Variants in PRELID2 observed in about 807,000 individuals in gnomAD.
PRELID2 encodes the protein PRELI domain containing 2.
Under a neutral mutation model 28.4 loss-of-function variants are expected in PRELID2, and 25 were observed. The observed-to-expected ratio is 0.88, with a 90% CI of 0.64 to 1.23. The LOEUF is 1.23. Among genes scored for constraint, PRELID2 ranks in the 50% most tolerant of loss-of-function variants. PRELID2 has a pLI of 0.00. For missense variants in PRELID2, 201 were observed against 214.4 expected, an observed-to-expected ratio of 0.94 and a Z score of 0.39; for synonymous variants, 76 against 71.6, an observed-to-expected ratio of 1.06 and a Z score of -0.31.
chr5:145,307,793 G>GAA, the PRELID2 span, among the ~76,000 whole-genome samples: 1 of 147,938 alleles, frequency 6.8e-6, no homozygotes, highest in Non-Finnish European at 1.5e-5. Flanking sequence ...ATTGGAGCAG[G>GAA]AAAAAAAAAA....
chr5:145,808,007 A>G (rs1483102735), intron 4 of PRELID2, among the ~76,000 whole-genome samples: 3 of 152,176 alleles, frequency 2.0e-5, no homozygotes, highest in Admixed American at 1.3e-4. Flanking sequence ...GCTCCAGCCC[A>G]GATCATTATA....
the PRELID2 span, among the ~76,000 whole-genome samples, chr5:145,285,155 T>G: frequency 1.3e-5 from 2 of 152,132 alleles, no homozygotes; most frequent in Non-Finnish European, 2.9e-5. Context: ...TTCAACTTTT[T>G]GTCTTCTTCC....
At chr5:145,322,737 A>T in the PRELID2 span, among the ~76,000 whole-genome samples, 181 of 152,302 alleles carry the variant, frequency 1.2e-3, 1 homozygote, top group African/African-American at 4.3e-3. Flanking sequence ...GAAAGCAAAC[A>T]AAAAGAGCTC....
At chr5:145,366,072 C>T in the PRELID2 span, among the ~76,000 whole-genome samples, 1 of 151,834 alleles carries the variant, frequency 6.6e-6, no homozygotes, top group Admixed American at 6.6e-5. Context: ...TCTGCCTGTG[C>T]AGACTTTACC....
intron 1 of PRELID2, among the ~76,000 whole-genome samples, chr5:145,741,563 TA>T (rs1447747632): frequency 1.1e-5 from 1 of 87,558 alleles, no homozygotes; most frequent in Non-Finnish European, 2.0e-5. Context: ...TATTTATATA[TA>T]AAATTTATTT....
intron 1 of PRELID2, among the ~76,000 whole-genome samples, chr5:145,644,494 GT>G (rs1195725218): frequency 6.6e-6 from 1 of 151,746 alleles, no homozygotes; most frequent in East Asian, 1.9e-4. Flanking sequence ...TTTTGGAAGG[GT>G]TTTTCATGTC....
chr5:145,476,357 GT>G (rs748022478), intron 1 of PRELID2, among the ~76,000 whole-genome samples: 5 of 152,180 alleles, frequency 3.3e-5, no homozygotes, highest in Non-Finnish European at 5.9e-5. Context: ...AGAATTAATT[GT>G]TCCAGGCCAG....
chr5:145,706,465 G>A (rs1755550076), intron 1 of PRELID2, among the ~76,000 whole-genome samples: 1 of 152,164 alleles, frequency 6.6e-6, no homozygotes, highest in African/African-American at 2.4e-5. Flanking sequence ...GGGAGTTCAA[G>A]GGAGCGCCCA....
At chr5:145,732,656 T>C (rs1226134039) in intron 1 of PRELID2, among the ~76,000 whole-genome samples, 2 of 152,222 alleles carry the variant, frequency 1.3e-5, no homozygotes, top group African/African-American at 2.4e-5. Flanking sequence ...CTGAGGCCTA[T>C]AGATCCTCTA....
the PRELID2 span, among the ~76,000 whole-genome samples, chr5:145,234,567 G>C: frequency 1.3e-5 from 2 of 152,120 alleles, no homozygotes; most frequent in Admixed American, 1.3e-4. Flanking sequence ...TTCCTAAAAA[G>C]CGTTCCAACT....
the PRELID2 span, among the ~76,000 whole-genome samples, chr5:145,395,448 T>C: frequency 1.3e-5 from 2 of 152,094 alleles, no homozygotes; most frequent in Non-Finnish European, 2.9e-5. Context: ...GTCAATTACC[T>C]CCAAGTCCTC....
chr5:145,819,265 C>A (rs760992263), intron 3 of PRELID2: 6 of 730,870 alleles, frequency 8.2e-6, no homozygotes, highest in Non-Finnish European at 1.5e-5. Context: ...CCCTCTGAGA[C>A]CTGTTTAAAG....
At chr5:145,482,482 T>C (rs868381563) in intron 1 of PRELID2, among the ~76,000 whole-genome samples, 3 of 152,150 alleles carry the variant, frequency 2.0e-5, no homozygotes, top group Middle Eastern at 3.4e-3. Context: ...ACTTCCAACA[T>C]TTACAGTTAT....
intron 1 of PRELID2, among the ~76,000 whole-genome samples, chr5:145,600,434 A>AAAATATATATATATATATATATATATAT (rs1315631607): frequency 8.3e-6 from 1 of 120,114 alleles, no homozygotes; most frequent in African/African-American, 4.1e-5. Context: ...AAAAAAAAAA[A>AAAATATATATATATATATATATATATAT]ATATATATAT....
intron 1 of PRELID2, among the ~76,000 whole-genome samples, chr5:145,621,283 A>T (rs1354584301): frequency 6.6e-6 from 1 of 151,996 alleles, no homozygotes; most frequent in Non-Finnish European, 1.5e-5. Flanking sequence ...ACAACAGCAA[A>T]TCCTAGCAAA....
the PRELID2 span, among the ~76,000 whole-genome samples, chr5:145,343,335 A>ACAT: frequency 6.6e-6 from 1 of 152,024 alleles, no homozygotes; most frequent in Non-Finnish European, 1.5e-5. Context: ...TTCTCAGAAC[A>ACAT]CAATGGAATA....
intron 1 of PRELID2, among the ~76,000 whole-genome samples, chr5:145,590,282 G>T (rs187034533): frequency 9.9e-5 from 15 of 152,114 alleles, no homozygotes. Context: ...TTCTGTGAGA[G>T]GTCTTTTCTG....
intron 1 of PRELID2, among the ~76,000 whole-genome samples, chr5:145,554,240 C>A (rs1385137793): frequency 6.6e-6 from 1 of 152,066 alleles, no homozygotes; most frequent in Non-Finnish European, 1.5e-5. Context: ...AAAACACTAA[C>A]GCAAATAGAA....
chr5:145,582,918 G>A (rs78466687), intron 1 of PRELID2, among the ~76,000 whole-genome samples: 10,859 of 152,046 alleles, frequency 0.071, 582 homozygotes, highest in Admixed American at 0.18. Context: ...AAAGTTTAAA[G>A]GAGGGACTCC....
Sources: allele counts gnomAD v4.1 joint callset (sites outside exome capture counted in the v4.1 genomes callset), GRCh38; gene constraint gnomAD v4.1.1; transcripts MANE v1.5; gene names NCBI Gene and HGNC (gene_info 2026-07-23, HGNC 2026-07-21).